MTARC2: variants seen among roughly 807,000 people sequenced by gnomAD.
MTARC2 encodes MOCO sulphurase C-terminal domain containing 2.
In MTARC2, 27 loss-of-function variants were observed where a neutral mutation model predicts 35.6. That is an observed-to-expected ratio of 0.76 (90% confidence interval 0.56 to 1.04). MTARC2 has a LOEUF of 1.04. Ranked by LOEUF, MTARC2 falls within the 50% of genes least tolerant of loss-of-function variation. The probability of loss-of-function intolerance (pLI) is 0.00; values close to 1 mark genes in which losing one functional copy is unlikely to be tolerated. For missense variants in MTARC2, 412 were observed against 432.5 expected, an observed-to-expected ratio of 0.95 and a Z score of 0.42; for synonymous variants, 158 against 167.1, an observed-to-expected ratio of 0.95 and a Z score of 0.42.
chr1:220,776,163 T>A (rs1322794855), intron 4 of MTARC2, among the ~76,000 whole-genome samples: 1 of 152,216 alleles, frequency 6.6e-6, no homozygotes, highest in Non-Finnish European at 1.5e-5. Context: ...AAACATTCCC[T>A]TTTCTCCACA....
chr1:220,750,933 A>G (rs1671108692), intron 1 of MTARC2, among the ~76,000 whole-genome samples: 1 of 152,182 alleles, frequency 6.6e-6, no homozygotes, highest in African/African-American at 2.4e-5. Context: ...GCGAACTTCT[A>G]CAAAGTTGTC....
intron 4 of MTARC2, among the ~76,000 whole-genome samples, chr1:220,776,298 T>C (rs9970393): frequency 1.1e-4 from 17 of 152,328 alleles, no homozygotes; most frequent in Non-Finnish European, 2.4e-4. Flanking sequence ...TTTTTTCATG[T>C]GCTTGTTGGT....
rs1210862876 is a variant in MTARC2 at position 220,781,824 on chromosome 1, C to G, written c.931C>G (p.Pro311Ala). 3 of 1,613,996 alleles carry G rather than the reference C, an allele frequency of 1.9e-6. No homozygotes were observed. Among genetic ancestry groups the G allele is most frequent in the Non-Finnish European group, 2.5e-6 (3 of 1,180,008 alleles). ...PSERELYKLS[P>A]LFGIYYSVEK... ...TGAGAGGGAATTGTACAAGTTGTCT[C>G]CACTTTTTGGGATCTATTATTCAGT... is the stretch of plus-strand genomic sequence containing the variant. Residue 311 changes from proline to alanine, a missense_variant, in exon 7 of 8, where the codon CCA becomes GCA. Coordinates refer to ENST00000366913, the MANE Select transcript of MTARC2 (RefSeq NM_017898.5).
At chr1:220,752,690 TA>T (rs1417682104) in intron 1 of MTARC2, among the ~76,000 whole-genome samples, 2 of 151,660 alleles carry the variant, frequency 1.3e-5, no homozygotes, top group Non-Finnish European at 2.9e-5. Flanking sequence ...CTACAAAAAA[TA>T]AAAAGATCAG....
chr1:220,781,204 T>C (rs1672062433), intron 6 of MTARC2, among the ~76,000 whole-genome samples: 1 of 152,192 alleles, frequency 6.6e-6, no homozygotes, highest in African/African-American at 2.4e-5. Flanking sequence ...TCTATTTTGT[T>C]TTTGATTTTT....
chr1:220,751,543 A>T (rs1236469105), intron 1 of MTARC2, among the ~76,000 whole-genome samples: 1 of 151,988 alleles, frequency 6.6e-6, no homozygotes, highest in Admixed American at 6.5e-5. Context: ...TCCCTGCCCA[A>T]TTCCTGCTGT....
Position 220,748,754 on chromosome 1 carries a change from G to T in MTARC2, c.223G>T (p.Glu75Ter). The T allele has an allele frequency of 1.9e-6, 3 of 1,600,118 alleles. No individual in the cohort carries two copies. Among genetic ancestry groups the T allele is most frequent in the Non-Finnish European group, 2.6e-6 (3 of 1,173,636 alleles). The change falls in exon 1 of 8, where the codon GAG becomes TAG. Residue 75 changes from glutamate to a stop codon, truncating the protein, a stop_gained. Transcript: ENST00000366913. LOFTEE classifies it high-confidence loss of function. Reference sequence around the variant, plus strand: ...ATCCTGCAAAGGGGTGCCGGTGAGCGAGGCTGAGTGCACGGCCATGGGGCT... The same window carrying T: ...ATCCTGCAAAGGGGTGCCGGTGAGCTAGGCTGAGTGCACGGCCATGGGGCT... ...VKSCKGVPVS[E>*]AECTAMGLRS...
At chr1:220,761,927 T>C (rs986988303) in intron 3 of MTARC2, 107 bp downstream of exon 3, 4 of 1,092,156 alleles carry the variant, frequency 3.7e-6, no homozygotes, top group Admixed American at 2.3e-5. Flanking sequence ...TAAGAAAATA[T>C]GATAATGGCC....
At chr1:220,776,888 G>T (rs915448697) in intron 4 of MTARC2, among the ~76,000 whole-genome samples, 2 of 152,144 alleles carry the variant, frequency 1.3e-5, no homozygotes, top group Non-Finnish European at 2.9e-5. Flanking sequence ...GGTCCGCAGC[G>T]CCCTCGTGTG....
chr1:220,772,767 A>C (rs562871276), intron 4 of MTARC2, among the ~76,000 whole-genome samples: 1 of 152,006 alleles, frequency 6.6e-6, no homozygotes, highest in Admixed American at 6.6e-5. Context: ...ACTGGATCCA[A>C]TTGCGGGAAC....
chr1:220,751,718 GGA>G (rs1364106754), intron 1 of MTARC2, among the ~76,000 whole-genome samples: 2 of 152,114 alleles, frequency 1.3e-5, no homozygotes, highest in African/African-American at 4.8e-5. Flanking sequence ...GCTCTTTTGG[GGA>G]ATCGGGGCTC....
intron 4 of MTARC2, among the ~76,000 whole-genome samples, chr1:220,774,860 G>T (rs1671850594): frequency 6.6e-6 from 1 of 152,118 alleles, no homozygotes; most frequent in Non-Finnish European, 1.5e-5. Flanking sequence ...GGACTATATA[G>T]GTAGAGATAT....
Position 220,765,660 on chromosome 1 carries a change from A to G in MTARC2, c.750+2610A>G, listed in dbSNP as rs149624265. Among the ~76,000 whole-genome samples the G allele has an allele frequency of 1.4e-4, 21 of 152,060 alleles. 1 individual carries two copies. The East Asian group carries it at 4.1e-3, about 29-fold the overall frequency. ...CAATCACGGCTCACTGCAGCCTCGAACTCCCCAGCTCAGGTGATCCTCCCA... is the reference window on the plus strand; with the variant it reads ...CAATCACGGCTCACTGCAGCCTCGAGCTCCCCAGCTCAGGTGATCCTCCCA... On this transcript the variant is annotated intron_variant, in intron 4 of 7. Transcript: ENST00000366913.
chr1:220,773,816 G>C (rs763879426), intron 4 of MTARC2, among the ~76,000 whole-genome samples: 1 of 151,636 alleles, frequency 6.6e-6, no homozygotes, highest in Non-Finnish European at 1.5e-5. Flanking sequence ...AGCAAAAAAG[G>C]CAAAAGAAAA....
chr1:220,754,710 A>G (rs1198480719), intron 1 of MTARC2, among the ~76,000 whole-genome samples: 1 of 152,096 alleles, frequency 6.6e-6, no homozygotes, highest in Admixed American at 6.5e-5. Context: ...GAAACTGGAG[A>G]TTGCCATACA....
chr1:220,777,545 A>G (rs1361613682), intron 4 of MTARC2, among the ~76,000 whole-genome samples: 1 of 152,184 alleles, frequency 6.6e-6, no homozygotes, highest in Admixed American at 6.5e-5. Flanking sequence ...TTAGTTCCTA[A>G]GTCAAGACGA....
chr1:220,784,088 G>T lies in MTARC2; in HGVS notation c.*201G>T, dbSNP rs12026176. The T allele has an allele frequency of 0.013, 7,559 of 604,024 alleles. 147 individuals carry two copies. Among genetic ancestry groups the T allele is most frequent in the East Asian group, 0.053 (1,878 of 35,342 alleles). 37.4% of individuals were successfully genotyped at this position (604,024 alleles called of 1,614,324 possible). A position where few individuals can be genotyped will look rare whatever the true frequency, so the allele number is the denominator to read the frequency against. On this transcript the variant is annotated 3_prime_UTR_variant, in exon 8 of 8. Transcript: ENST00000366913. Reference sequence around the variant, plus strand: ...GTTAATGCAAGGAAAGTATTAGAGGGGGGAATATGAAAGTATATATATAAA... The same window carrying T: ...GTTAATGCAAGGAAAGTATTAGAGGTGGGAATATGAAAGTATATATATAAA...
chr1:220,775,185 G>A (rs80342786), intron 4 of MTARC2, among the ~76,000 whole-genome samples: 3,459 of 150,286 alleles, frequency 0.023, 99 homozygotes, highest in African/African-American at 0.063. Context: ...CTCTCTGGGT[G>A]CTGCTTGTGA....
chr1:220,759,374 A>G (rs1671372918), intron 2 of MTARC2, among the ~76,000 whole-genome samples: 1 of 152,208 alleles, frequency 6.6e-6, no homozygotes, highest in Non-Finnish European at 1.5e-5. Context: ...GTCAAAATGT[A>G]GAAGAGAGTG....
Sources: gnomAD v4.1 joint callset for allele counts (sites outside exome capture counted in the v4.1 genomes callset) on GRCh38, gnomAD v4.1.1 for gene constraint, MANE v1.5 for transcripts, NCBI Gene and HGNC (gene_info 2026-07-23, HGNC 2026-07-21) for gene names.